Variants in DLGAP1 observed in about 807,000 individuals in gnomAD.
DLGAP1 encodes the protein DLG associated protein 1.
A neutral mutation model predicts 90.8 loss-of-function variants in DLGAP1; 11 were observed. That is an observed-to-expected ratio of 0.12 (90% CI 0.08 to 0.20). DLGAP1 has a LOEUF of 0.20. DLGAP1 is among the 10% of genes least tolerant of loss of function. The pLI is 1.00. For synonymous variants in DLGAP1, 558 were observed against 540.7 expected (o/e 1.03, Z -0.44); for missense variants, 1,050 against 1,333.8 (o/e 0.79, Z 3.31).
intron 1 of DLGAP1, among the ~76,000 whole-genome samples, chr18:4,276,530 G>A (rs1032768787): frequency 4.6e-5 from 7 of 151,882 alleles, no homozygotes; most frequent in East Asian, 1.9e-4. Flanking sequence ...CAGCTACTTG[G>A]GAGGCTGAGG....
At chr18:4,073,473 T>G (rs1273237484) in intron 2 of DLGAP1, among the ~76,000 whole-genome samples, 2 of 152,150 alleles carry the variant, frequency 1.3e-5, no homozygotes, top group African/African-American at 4.8e-5. Flanking sequence ...TCTTCTGGCT[T>G]TACATTTTCA....
chr18:4,045,311 A>T (rs1452493594), intron 2 of DLGAP1, among the ~76,000 whole-genome samples: 1 of 151,502 alleles, frequency 6.6e-6, no homozygotes, highest in Non-Finnish European at 1.5e-5. Flanking sequence ...GGAACTGATA[A>T]CTCCTTGGTA....
intron 1 of DLGAP1, among the ~76,000 whole-genome samples, chr18:4,368,988 C>A (rs2081851650): frequency 6.6e-6 from 1 of 152,092 alleles, no homozygotes. Flanking sequence ...TTAAAGACTG[C>A]AGGCAAGTTT....
At chr18:3,576,350 G>C (rs142844200) in intron 8 of DLGAP1, among the ~76,000 whole-genome samples, 1,827 of 146,532 alleles carry the variant, frequency 0.012, 30 homozygotes, top group African/African-American at 0.044. Flanking sequence ...ACCTCCGCCT[G>C]CAGGGTTCAA....
intron 3 of DLGAP1, among the ~76,000 whole-genome samples, chr18:3,897,930 G>T (rs1013802528): frequency 6.6e-6 from 1 of 151,636 alleles, no homozygotes; most frequent in East Asian, 1.9e-4. Context: ...GAGTAGCTGG[G>T]ACTACAGGCG....
chr18:4,176,409 C>T (rs1568494), intron 1 of DLGAP1, among the ~76,000 whole-genome samples: 13,855 of 152,208 alleles, frequency 0.091, 803 homozygotes, highest in East Asian at 0.26. Flanking sequence ...CTATTTCAAA[C>T]CAGCAGCCAT....
intron 3 of DLGAP1, among the ~76,000 whole-genome samples, chr18:3,932,163 G>A (rs1461857373): frequency 6.6e-6 from 1 of 152,134 alleles, no homozygotes; most frequent in Non-Finnish European, 1.5e-5. Flanking sequence ...TAAATCCAAA[G>A]CATGTCAATA....
At chr18:3,587,478 C>G (rs2055956450) in intron 7 of DLGAP1, among the ~76,000 whole-genome samples, 1 of 152,148 alleles carries the variant, frequency 6.6e-6, no homozygotes, top group South Asian at 2.1e-4. Flanking sequence ...TGTAAACGCA[C>G]CAATCGGCAC....
chr18:3,683,725 T>C (rs1330177498), intron 7 of DLGAP1, among the ~76,000 whole-genome samples: 2 of 152,158 alleles, frequency 1.3e-5, no homozygotes, highest in Non-Finnish European at 2.9e-5. Flanking sequence ...CTCAGAACAC[T>C]TGTAAGACTG....
At chr18:3,635,400 A>C (rs966263149) in intron 7 of DLGAP1, among the ~76,000 whole-genome samples, 6 of 150,634 alleles carry the variant, frequency 4.0e-5, no homozygotes, top group Non-Finnish European at 7.4e-5. Context: ...CGGCCTCCCA[A>C]AGTGCTGGGA....
rs1451600067 is a variant in DLGAP1 at position 3,526,305 on chromosome 18, G to A, written c.2479+7889C>T. On this transcript the variant is annotated intron_variant, in intron 10 of 12. Transcript: ENST00000315677. The surrounding 1 kb of genome is among the most constrained non-coding windows in gnomAD (Gnocchi z 4.7). The stretch of plus-strand genomic sequence containing the variant: ...TCTGCCACCCACTGTTTCACAGGCC[G>A]CAGAGACACAGCAGAGGCAATCCCA... 1.3e-5 allele frequency among the ~76,000 whole-genome samples: 2 copies of A among 152,150 alleles called. No homozygotes were observed. The highest frequency in any genetic ancestry group is 2.9e-5 in the Non-Finnish European group (2 of 68,028).
At chr18:4,183,574 T>C (rs1568438823) in intron 1 of DLGAP1, among the ~76,000 whole-genome samples, 1 of 152,158 alleles carries the variant, frequency 6.6e-6, no homozygotes, top group African/African-American at 2.4e-5. Context: ...TTGACCTTTG[T>C]ACATTTTCCT....
intron 3 of DLGAP1, among the ~76,000 whole-genome samples, chr18:4,003,742 C>A (rs1438487322): frequency 6.6e-6 from 1 of 152,106 alleles, no homozygotes; most frequent in African/African-American, 2.4e-5. Context: ...CAAGTGGATG[C>A]TGGAAATGAC....
intron 1 of DLGAP1, among the ~76,000 whole-genome samples, chr18:4,412,629 A>C (rs781036022): frequency 1.2e-4 from 18 of 152,184 alleles, no homozygotes; most frequent in Non-Finnish European, 2.2e-4. Context: ...ACATGAGAAC[A>C]ACCACCTGTT....
At chr18:4,317,247 G>T (rs2080554228) in intron 1 of DLGAP1, among the ~76,000 whole-genome samples, 1 of 152,162 alleles carries the variant, frequency 6.6e-6, no homozygotes, top group African/African-American at 2.4e-5. Flanking sequence ...TTCATGTAGG[G>T]CCGTCACATC....
chr18:4,171,138 T>A (rs2077017567), intron 1 of DLGAP1, among the ~76,000 whole-genome samples: 1 of 152,214 alleles, frequency 6.6e-6, no homozygotes, highest in Non-Finnish European at 1.5e-5. Context: ...TTTGTCCATA[T>A]ATATCACTAG....
At chr18:4,322,190 G>T (rs1459904764) in intron 1 of DLGAP1, among the ~76,000 whole-genome samples, 9 of 151,370 alleles carry the variant, frequency 5.9e-5, no homozygotes, top group African/African-American at 1.9e-4. Context: ...ACAGAGCAAG[G>T]CTCCATCTCA....
At chr18:4,361,756 T>C (rs1174415596) in intron 1 of DLGAP1, among the ~76,000 whole-genome samples, 1 of 152,090 alleles carries the variant, frequency 6.6e-6, no homozygotes. Context: ...TTTAAAAAAC[T>C]GTGTGTCAAA....
At chr18:3,702,931 G>T (rs987040194) in intron 7 of DLGAP1, among the ~76,000 whole-genome samples, 1 of 152,200 alleles carries the variant, frequency 6.6e-6, no homozygotes, top group Non-Finnish European at 1.5e-5. Flanking sequence ...AGGAGTATAA[G>T]ATGGAGACTT....
Sources: allele counts gnomAD v4.1 joint callset (sites outside exome capture counted in the v4.1 genomes callset), GRCh38; gene constraint gnomAD v4.1.1; non-coding constraint Gnocchi (gnomAD v3.1); transcripts MANE v1.5; gene names NCBI Gene and HGNC (gene_info 2026-07-23, HGNC 2026-07-21).